Variants in TMEM114 observed in about 807,000 individuals in gnomAD.
TMEM114 encodes transmembrane protein 114.
In TMEM114, 6 loss-of-function variants were observed where a neutral mutation model predicts 6.2. The ratio of observed to expected loss-of-function variants is 0.97; its 90% CI spans 0.53 to 1.91. The LOEUF (loss-of-function observed/expected upper bound fraction) is 1.91. Ranked by LOEUF, TMEM114 falls within the 40% of genes most tolerant of loss-of-function variation. The pLI, the probability that TMEM114 is intolerant of heterozygous loss-of-function variation, is 0.01. For missense variants in TMEM114, 218 were observed against 158.3 expected, an observed-to-expected ratio of 1.38 and a Z score of -2.02; for synonymous variants, 104 against 73.0, an observed-to-expected ratio of 1.42 and a Z score of -2.16.
At chr16:8,560,433 C>T (rs898162313) in intron 2 of TMEM114, among the ~76,000 whole-genome samples, 5 of 152,136 alleles carry the variant, frequency 3.3e-5, no homozygotes, top group African/African-American at 4.8e-5. Context: ...CCTGGAATCT[C>T]TAAAGTGCTT....
chr16:8,531,458 G>A, the TMEM114 span, among the ~76,000 whole-genome samples: 4 of 152,224 alleles, frequency 2.6e-5, no homozygotes, highest in African/African-American at 9.7e-5. Flanking sequence ...GTTTGAAACT[G>A]CTGTGAGAGT....
chr16:8,553,570 C>T (rs1220566083), intron 2 of TMEM114, among the ~76,000 whole-genome samples: 1 of 152,144 alleles, frequency 6.6e-6, no homozygotes, highest in South Asian at 2.1e-4. Flanking sequence ...ACTGCAAGCT[C>T]CACCTCCTGG....
downstream of TMEM114, among the ~76,000 whole-genome samples, chr16:8,568,283 C>T (rs1173943224): frequency 2.0e-5 from 3 of 152,172 alleles, no homozygotes; most frequent in Admixed American, 1.3e-4. Context: ...ATTGCCCCCC[C>T]AGTTGCTGGT....
At chr16:8,565,776 T>C (rs13330943), downstream of TMEM114, among the ~76,000 whole-genome samples, 98,600 of 151,988 alleles carry the variant, frequency 0.65, 32,069 homozygotes, top group East Asian at 0.75. Context: ...CCTGGGGAAC[T>C]TTGTGAACAT....
intron 2 of TMEM114, among the ~76,000 whole-genome samples, chr16:8,558,623 C>A (rs77971136): frequency 0.079 from 12,089 of 152,212 alleles, 569 homozygotes; most frequent in Middle Eastern, 0.19. Context: ...CATGCTTGAA[C>A]CTCCAACAGT....
At chr16:8,584,729 C>A (rs768455471) in intron 2 of TMEM114, among the ~76,000 whole-genome samples, 75 of 151,956 alleles carry the variant, frequency 4.9e-4, no homozygotes, top group Admixed American at 2.6e-3. Context: ...TGAGATCAGC[C>A]TGGCCAACGT....
chr16:8,555,470 C>T (rs778010384), intron 2 of TMEM114, among the ~76,000 whole-genome samples: 5 of 137,594 alleles, frequency 3.6e-5, no homozygotes, highest in African/African-American at 1.3e-4. Flanking sequence ...CAGTAATTTC[C>T]GGGTGGTGGG....
chr16:8,539,185 G>T (rs537918444), intron 2 of TMEM114, among the ~76,000 whole-genome samples: 1 of 152,122 alleles, frequency 6.6e-6, no homozygotes, highest in Non-Finnish European at 1.5e-5. Context: ...CCTGGTGTGC[G>T]GTGCTGAATA....
At chr16:8,530,842 A>G in the TMEM114 span, among the ~76,000 whole-genome samples, 2 of 152,088 alleles carry the variant, frequency 1.3e-5, no homozygotes, top group Non-Finnish European at 2.9e-5. Flanking sequence ...TGGCCAACAC[A>G]GAGAAACCCC....
chr16:8,551,435 T>A (rs1007224937), intron 2 of TMEM114, among the ~76,000 whole-genome samples: 3 of 152,190 alleles, frequency 2.0e-5, no homozygotes, highest in Non-Finnish European at 4.4e-5. Context: ...TTAAAAATAA[T>A]ATTTAACATT....
chr16:8,561,832 GTGAA>G (rs1567201737), intron 2 of TMEM114, among the ~76,000 whole-genome samples: 1 of 151,862 alleles, frequency 6.6e-6, no homozygotes, highest in Non-Finnish European at 1.5e-5. Flanking sequence ...GAATGAGTGA[GTGAA>G]TGAGTGAGTG....
chr16:8,560,465 C>T (rs563218449), intron 2 of TMEM114, among the ~76,000 whole-genome samples: 1 of 152,266 alleles, frequency 6.6e-6, no homozygotes, highest in East Asian at 1.9e-4. Flanking sequence ...CAAAAGTTTG[C>T]ATGCCAGGGT....
chr16:8,538,303 A>G (rs938151701), intron 2 of TMEM114, among the ~76,000 whole-genome samples: 1 of 151,966 alleles, frequency 6.6e-6, no homozygotes, highest in Non-Finnish European at 1.5e-5. Flanking sequence ...ATAAAAAAAA[A>G]AAGACAGACA....
the TMEM114 span, among the ~76,000 whole-genome samples, chr16:8,530,776 C>G: frequency 2.0e-5 from 3 of 152,044 alleles, no homozygotes; most frequent in Non-Finnish European, 4.4e-5. Context: ...ATAACCCCAG[C>G]ACTTTGGGAG....
At chr16:8,540,263 T>A (rs1900477295) in intron 2 of TMEM114, among the ~76,000 whole-genome samples, 1 of 152,210 alleles carries the variant, frequency 6.6e-6, no homozygotes, top group Non-Finnish European at 1.5e-5. Context: ...TACTTTTCCA[T>A]AAAATAGTTT....
chr16:8,532,662 C>T (rs1162054788), downstream of TMEM114, among the ~76,000 whole-genome samples: 4 of 152,200 alleles, frequency 2.6e-5, no homozygotes, highest in Admixed American at 6.5e-5. Context: ...CAGTGGCTCA[C>T]GCCTGTAATC....
chr16:8,535,244 T>G (rs1900321049), downstream of TMEM114, among the ~76,000 whole-genome samples: 2 of 152,214 alleles, frequency 1.3e-5, 1 homozygote, highest in Admixed American at 1.3e-4. Context: ...GTTAAAAAGC[T>G]CTATATAAAT....
intron 2 of TMEM114, among the ~76,000 whole-genome samples, chr16:8,576,734 GGAA>G: frequency 6.6e-6 from 1 of 151,398 alleles, no homozygotes; most frequent in Non-Finnish European, 1.5e-5. Context: ...AAGGAAGGAA[GGAA>G]GGAAGGAAGG....
At chr16:8,541,045 G>A (rs1040376043) in intron 2 of TMEM114, among the ~76,000 whole-genome samples, 1 of 143,756 alleles carries the variant, frequency 7.0e-6, no homozygotes, top group Non-Finnish European at 1.5e-5. Flanking sequence ...GTGAGGCTGA[G>A]AGCGAAGTCT....
Sources: allele counts gnomAD v4.1 joint callset (sites outside exome capture counted in the v4.1 genomes callset), GRCh38; gene constraint gnomAD v4.1.1; transcripts MANE v1.5; gene names NCBI Gene and HGNC (gene_info 2026-07-23, HGNC 2026-07-21).